The following SELENOF variants were observed in gnomAD, a reference collection of about 807,000 sequenced individuals.
SELENOF encodes the protein 15 kDa selenoprotein.
A neutral mutation model predicts 20.5 loss-of-function variants in SELENOF; 16 were observed. That is an observed-to-expected ratio of 0.78 (90% CI 0.53 to 1.19). The LOEUF (loss-of-function observed/expected upper bound fraction) is 1.19. Ranked by LOEUF, SELENOF falls within the 50% of genes most tolerant of loss-of-function variation. The probability of loss-of-function intolerance (pLI) is 0.00; values close to 1 mark genes in which losing one functional copy is unlikely to be tolerated. For synonymous variants in SELENOF, 78 were observed against 74.5 expected, an observed-to-expected ratio of 1.05 and a Z score of -0.24; for missense variants, 215 against 194.2, an observed-to-expected ratio of 1.11 and a Z score of -0.64.
chr1:86,882,332 T>C (rs1659098128), intron 2 of SELENOF, among the ~76,000 whole-genome samples: 1 of 148,562 alleles, frequency 6.7e-6, no homozygotes, highest in Non-Finnish European at 1.5e-5. Flanking sequence ...CAAAAAGATA[T>C]GGCTAATCTT....
chr1:86,891,230 G>A (rs183564751), intron 2 of SELENOF, among the ~76,000 whole-genome samples: 2 of 151,832 alleles, frequency 1.3e-5, no homozygotes, highest in African/African-American at 4.8e-5. Flanking sequence ...TGTATTTTTA[G>A]TAGAGATGGG....
chr1:86,890,306 C>G (rs1659343364), intron 2 of SELENOF, among the ~76,000 whole-genome samples: 1 of 152,064 alleles, frequency 6.6e-6, no homozygotes, highest in Non-Finnish European at 1.5e-5. Flanking sequence ...CCTGACCTGC[C>G]AAGTGGTTAT....
chr1:86,908,335 G>A (rs1186405546), intron 1 of SELENOF, among the ~76,000 whole-genome samples: 1 of 152,160 alleles, frequency 6.6e-6, no homozygotes, highest in Non-Finnish European at 1.5e-5. Flanking sequence ...GGCCATTACA[G>A]CAAGCTTTTA....
chr1:86,899,536 C>T (rs1274641446), intron 2 of SELENOF, among the ~76,000 whole-genome samples: 4 of 140,668 alleles, frequency 2.8e-5, no homozygotes, highest in Admixed American at 7.0e-5. Context: ...GCTGGCCGGG[C>T]GGGGGGCTGA....
intron 3 of SELENOF, among the ~76,000 whole-genome samples, chr1:86,880,436 C>A (rs571511112): frequency 1.3e-5 from 2 of 152,016 alleles, no homozygotes; most frequent in African/African-American, 4.8e-5. Context: ...TGACCCACCA[C>A]GCCTGGCCTC....
At chr1:86,914,178 C>A, upstream of SELENOF, 4 of 1,376,098 alleles carry the variant, frequency 2.9e-6, no homozygotes, top group South Asian at 1.2e-5. Flanking sequence ...GAGCCTGATC[C>A]AAAACAGAAC....
In SELENOF at chr1:86,914,090, G is replaced by C. The variant is rs377513226; in HGVS notation, c.22C>G (p.Pro8Ala). ...AACGCCGGCACCAGACACCCACTCG[G>C]CCCAGCCGCCATCGCTACCATTTTC... MVAMAAG[P>A]SGCLVPAFGL... The change falls in exon 1 of 5, where the codon CCG (proline) becomes GCG (alanine). Residue 8 changes from proline (P) to alanine (A), a missense_variant. Coordinates refer to ENST00000331835, the MANE Select transcript of SELENOF (RefSeq NM_004261.5). 68 of 1,613,782 alleles carry C rather than the reference G, an allele frequency of 4.2e-5. No homozygotes were observed. Among genetic ancestry groups the C allele is most frequent in the Admixed American group, 6.7e-5 (4 of 60,006 alleles).
At chr1:86,895,463 A>C (rs913585754) in intron 2 of SELENOF, among the ~76,000 whole-genome samples, 4 of 152,240 alleles carry the variant, frequency 2.6e-5, no homozygotes, top group African/African-American at 9.6e-5. Flanking sequence ...CAGTGCATGC[A>C]TATTAACTTA....
At chr1:86,882,153 A>G (rs1659087267) in intron 2 of SELENOF, among the ~76,000 whole-genome samples, 1 of 148,986 alleles carries the variant, frequency 6.7e-6, no homozygotes, top group Admixed American at 6.8e-5. Flanking sequence ...AATTGCTTGA[A>G]CCCAGGAGGC....
chr1:86,904,292 T>C (rs1222475298), intron 1 of SELENOF, among the ~76,000 whole-genome samples: 1 of 152,208 alleles, frequency 6.6e-6, no homozygotes, highest in African/African-American at 2.4e-5. Flanking sequence ...CTGGGCAAAC[T>C]ATCCTCCCTA....
intron 4 of SELENOF, among the ~76,000 whole-genome samples, chr1:86,867,454 T>C (rs537949802): frequency 6.6e-6 from 1 of 151,968 alleles, no homozygotes; most frequent in Non-Finnish European, 1.5e-5. Context: ...ATGGTGCCAC[T>C]GCACTCCAGC....
At chr1:86,884,036 C>T (rs896831512) in intron 2 of SELENOF, among the ~76,000 whole-genome samples, 1 of 152,158 alleles carries the variant, frequency 6.6e-6, no homozygotes, top group Non-Finnish European at 1.5e-5. Flanking sequence ...ACTTTGTTCT[C>T]ATCATAATGT....
intron 2 of SELENOF, among the ~76,000 whole-genome samples, chr1:86,891,152 C>T (rs779870347): frequency 6.6e-6 from 1 of 151,562 alleles, no homozygotes; most frequent in Non-Finnish European, 1.5e-5. Context: ...TGGGTTCAAG[C>T]GATTCTCCTG....
chr1:86,869,708 TTTCC>T (rs60764775), intron 3 of SELENOF, among the ~76,000 whole-genome samples: 3,949 of 152,014 alleles, frequency 0.026, 91 homozygotes, highest in African/African-American at 0.057. Context: ...TTCTTTCTTC[TTTCC>T]TTCCTTCCTT....
At chr1:86,866,907 C>A (rs895903454) in intron 4 of SELENOF, among the ~76,000 whole-genome samples, 3 of 152,182 alleles carry the variant, frequency 2.0e-5, no homozygotes, top group African/African-American at 7.2e-5. Flanking sequence ...CAGTTTCTTA[C>A]AAAGTTAAAC....
At chr1:86,905,081 C>T (rs1659796498) in intron 1 of SELENOF, among the ~76,000 whole-genome samples, 1 of 152,138 alleles carries the variant, frequency 6.6e-6, no homozygotes, top group Admixed American at 6.5e-5. Flanking sequence ...TCTATTCTTC[C>T]TAAGGTATTC....
chr1:86,874,885 C>T (rs915594196), intron 3 of SELENOF, among the ~76,000 whole-genome samples: 5 of 152,106 alleles, frequency 3.3e-5, no homozygotes, highest in African/African-American at 1.2e-4. Context: ...AATAGACAAC[C>T]TAATTCTCAA....
At chr1:86,882,023 A>C (rs974725719) in intron 2 of SELENOF, among the ~76,000 whole-genome samples, 2 of 151,970 alleles carry the variant, frequency 1.3e-5, no homozygotes, top group African/African-American at 4.8e-5. Flanking sequence ...CACGAGGTCA[A>C]GAGATAGAGA....
chr1:86,868,115 G>GA lies in SELENOF; in HGVS notation c.317-14dup, dbSNP rs746781758. ...CTCCTAACAAAAGCTTATAAAAAAA[G>GA]AAAAAAAGATTCAGTAGTTCACTTC... On this transcript the variant is annotated splice_polypyrimidine_tract_variant and intron_variant, in intron 3 of 4. Coordinates refer to ENST00000331835, the MANE Select transcript of SELENOF (RefSeq NM_004261.5). The GA allele has an allele frequency of 2.6e-5, 36 of 1,402,014 alleles. No individual in the cohort carries two copies. In the East Asian group the frequency reaches 5.6e-4, roughly 22 times the overall value. 86.8% of individuals were successfully genotyped at this position (1,402,014 alleles called of 1,614,324 possible). A position where few individuals can be genotyped will look rare whatever the true frequency, so the allele number is the denominator to read the frequency against.
Sources: gnomAD v4.1 joint callset for allele counts (sites outside exome capture counted in the v4.1 genomes callset) on GRCh38, gnomAD v4.1.1 for gene constraint, MANE v1.5 for transcripts, NCBI Gene and HGNC (gene_info 2026-07-23, HGNC 2026-07-21) for gene names.